NLRP9: variants seen among roughly 807,000 people sequenced by gnomAD.
NLRP9 encodes the protein NLR family pyrin domain containing 9.
Under a neutral mutation model 83.1 loss-of-function variants are expected in NLRP9, and 88 were observed. The observed-to-expected ratio is 1.06, with a 90% confidence interval of 0.89 to 1.26. The LOEUF (loss-of-function observed/expected upper bound fraction) is 1.26. Among genes scored for constraint, NLRP9 ranks in the 50% most tolerant of loss-of-function variants. NLRP9 has a pLI of 0.00. For synonymous variants in NLRP9, 521 were observed against 447.6 expected (o/e 1.16, Z -2.07); for missense variants, 1,308 against 1,179.3 (o/e 1.11, Z -1.60).
chr19:55,723,409 G>T (rs1988291882), intron 4 of NLRP9, among the ~76,000 whole-genome samples: 1 of 152,160 alleles, frequency 6.6e-6, no homozygotes, highest in Admixed American at 6.5e-5. Flanking sequence ...GCAGAACCAG[G>T]AAGTATCAAG....
chr19:55,738,273 C>CA lies in NLRP9; in HGVS notation c.101dup (p.Leu34PhefsTer5), dbSNP rs1988839132. The CA allele has an allele frequency of 6.2e-7, 1 of 1,613,962 alleles. No homozygotes were observed. The highest frequency in any genetic ancestry group is 1.3e-5 in the African/African-American group (1 of 74,874). On this transcript the variant is annotated frameshift_variant, in exon 1 of 9. Transcript: ENST00000332836. LOFTEE classifies it high-confidence loss of function. ...GGATTGGCTTGAGTTCAAATTTCTC[C>CA]AAAGGTTGTTTGAGGAGCTCCTTAA...
intron 3 of NLRP9, among the ~76,000 whole-genome samples, chr19:55,728,049 T>C (rs1041530170): frequency 4.5e-4 from 68 of 152,278 alleles, no homozygotes; most frequent in Admixed American, 9.8e-4. Flanking sequence ...AGCAACAAAA[T>C]GTGAGAACAC....
At chr19:55,734,425 T>G (rs1988718786) in intron 1 of NLRP9, among the ~76,000 whole-genome samples, 1 of 148,992 alleles carries the variant, frequency 6.7e-6, no homozygotes, top group Non-Finnish European at 1.5e-5. Flanking sequence ...AAAATTGGTC[T>G]TGTCTATATA....
intron 1 of NLRP9, among the ~76,000 whole-genome samples, chr19:55,734,203 G>A (rs947276283): frequency 1.3e-5 from 2 of 151,258 alleles, no homozygotes; most frequent in African/African-American, 2.4e-5. Context: ...GATTACAGGC[G>A]TGAGCCACCG....
rs777261936 is a variant in NLRP9 at position 55,723,963 on chromosome 19, G to C, written c.2159+17C>G. The C allele has an allele frequency of 1.3e-5, 21 of 1,597,730 alleles. No individual in the cohort carries two copies. The highest frequency in any genetic ancestry group is 2.2e-5 in the East Asian group (1 of 44,644). The stretch of plus-strand genomic sequence containing the variant: ...CTTGGAAAGAAACAGCACTCGGCAT[G>C]AACAGCCCGGACTTACATCAGCTCT... On this transcript the variant is annotated intron_variant, in intron 4 of 8. Transcript: ENST00000332836.
intron 4 of NLRP9, among the ~76,000 whole-genome samples, chr19:55,718,146 C>G (rs1396367560): frequency 6.6e-6 from 1 of 152,190 alleles, no homozygotes; most frequent in Non-Finnish European, 1.5e-5. Context: ...AAAGTCATGG[C>G]CATCCTCCAG....
At position 55,711,806 on chromosome 19, in the gene NLRP9, A is replaced by C. The variant is rs1360206233; in HGVS notation, c.2837T>G (p.Met946Arg). 2 of 1,612,988 alleles carry C rather than the reference A, an allele frequency of 1.2e-6. No individual in the cohort carries two copies. Among genetic ancestry groups the C allele is most frequent in the African/African-American group, 2.7e-5 (2 of 74,916 alleles). ...ALSHPDCALQ[M>R]LGLHKSGFDE... The stretch of plus-strand genomic sequence containing the variant: ...GGAAACAGTGTCCACTCACCCCAGC[A>C]TCTGCAGGGCACAGTCCGGGTGGCT... Residue 946 changes from methionine (M) to arginine (R), a missense_variant, in exon 8 of 9, where the codon ATG becomes AGG. Transcript: ENST00000332836.
rs776846483 is a variant in NLRP9, at chr19:55,709,076, GTT to G, written c.2844-34_2844-33del. ...AAATAGAAATAAAGTTTTTTTTTTT[GTT>G]TTTCATTTTTACACAGTATTGCCTC... On this transcript the variant is annotated intron_variant, in intron 8 of 8. Transcript: ENST00000332836. 4.8e-6 allele frequency: 7 copies of G among 1,465,492 alleles called. No individual in the cohort carries two copies. In the South Asian group the frequency reaches 9.3e-5, roughly 20 times the overall value. The allele number at this position is 1,465,492 out of a possible 1,614,324, so 90.8% of individuals were successfully genotyped here.
chr19:55,715,079 G>C lies in NLRP9; in HGVS notation c.2477C>G (p.Pro826Arg), dbSNP rs1254627784. 1 of 1,612,172 alleles carries C rather than the reference G, an allele frequency of 6.2e-7. No individual in the cohort carries two copies. Among genetic ancestry groups the C allele is most frequent in the Admixed American group, 1.7e-5 (1 of 59,886 alleles). ...CCACAGCTCCCGTATGCTGCAGCCT[G>C]GGTGCTTCAGCGCTGCACACAGAGA... ...VASLCAALKHPGCSIRELWLM... is the reference protein window; with the variant it reads ...VASLCAALKHRGCSIRELWLM... The change falls in exon 6 of 9, where the codon CCA becomes CGA. Residue 826 changes from proline (P) to arginine (R), a missense_variant. By Grantham distance (103) the Pro-to-Arg change is moderately radical (BLOSUM62 -2). Transcript: ENST00000332836.
chr19:55,712,210 C>G (rs1191574097), intron 7 of NLRP9, among the ~76,000 whole-genome samples: 1 of 152,122 alleles, frequency 6.6e-6, no homozygotes, highest in Admixed American at 6.6e-5. Context: ...CCCTATCATG[C>G]ACAGGATGGC....
chr19:55,724,009 T>C lies in NLRP9; in HGVS notation c.2130A>G (p.Lys710=). The C allele has an allele frequency of 6.2e-7, 1 of 1,614,014 alleles. No individual in the cohort carries two copies. Among genetic ancestry groups the C allele is most frequent in the Non-Finnish European group, 8.5e-7 (1 of 1,179,968 alleles). The change falls in exon 4 of 9, where the codon AAA becomes AAG. Residue 710 remains lysine (K), a synonymous_variant. Coordinates refer to ENST00000332836, the MANE Select transcript of NLRP9 (RefSeq NM_176820.4). ...SDIRHLCETL[K]HPMCKIEELI... ...GCTCTTCTATCTTGCACATTGGATG[T>C]TTCAGCGTCTCACACAGGTGTCTGA...
At chr19:55,736,982 G>A (rs879726351) in intron 1 of NLRP9, among the ~76,000 whole-genome samples, 5 of 152,000 alleles carry the variant, frequency 3.3e-5, no homozygotes, top group African/African-American at 4.8e-5. Context: ...GAACAAAACA[G>A]AAGTAAACGT....
chr19:55,733,093 A>G lies in NLRP9; in HGVS notation c.738T>C (p.Asp246=). ...TTGGCATTGGCTGCCGCTGCCTCCA[A>G]TCATCGCTCAAGTCAGCCTTAAGTT... ...NLQLKADLSD[D]WRQRQPMPII... is the part of the protein sequence containing the mutation. Residue 246 remains aspartate (D), a synonymous_variant, in exon 2 of 9, where the codon GAT becomes GAC. Transcript: ENST00000332836. 4 of 1,614,024 alleles carry G rather than the reference A, an allele frequency of 2.5e-6. No homozygotes were observed. The highest frequency in any genetic ancestry group is 1.6e-4 in the Middle Eastern group (1 of 6,062).
Position 55,727,797 on chromosome 19 carries a change from G to A in NLRP9, c.1994+2034C>T, listed in dbSNP as rs896574581. On this transcript the variant is annotated intron_variant, in intron 3 of 8. Coordinates refer to ENST00000332836, the MANE Select transcript of NLRP9 (RefSeq NM_176820.4). ...GGTAAACGCATCCCCATCCATCATG[G>A]AGGTTTAGTCAACAGAGAAACACTG... 2.0e-5 allele frequency among the ~76,000 whole-genome samples: 3 copies of A among 152,276 alleles called. No homozygotes were observed. The East Asian group carries it at 5.8e-4, about 29-fold the overall frequency.
intron 4 of NLRP9, among the ~76,000 whole-genome samples, chr19:55,723,412 G>A (rs113479608): frequency 1.3e-3 from 193 of 152,302 alleles, no homozygotes; most frequent in African/African-American, 4.5e-3. Context: ...GAACCAGGAA[G>A]TATCAAGGGA....
intron 4 of NLRP9, among the ~76,000 whole-genome samples, chr19:55,722,478 G>A (rs985250169): frequency 6.6e-6 from 1 of 152,198 alleles, no homozygotes; most frequent in African/African-American, 2.4e-5. Flanking sequence ...TCTCCTGATG[G>A]GTCTAGACGC....
chr19:55,726,899 T>G (rs1988419066), intron 3 of NLRP9, among the ~76,000 whole-genome samples: 1 of 152,158 alleles, frequency 6.6e-6, no homozygotes, highest in African/African-American at 2.4e-5. Flanking sequence ...CTAGATACCT[T>G]TGAAGAGAAA....
intron 2 of NLRP9, among the ~76,000 whole-genome samples, chr19:55,731,605 T>C (rs1054785786): frequency 1.3e-5 from 2 of 151,004 alleles, no homozygotes; most frequent in Non-Finnish European, 2.9e-5. Context: ...GCACCTGTAA[T>C]CCCAGCTACC....
chr19:55,733,102 C>A lies in NLRP9; in HGVS notation c.729G>T (p.Leu243Phe), dbSNP rs747329683. Residue 243 changes from leucine (L) to phenylalanine (F), a missense_variant, in exon 2 of 9, where the codon TTG (leucine) becomes TTT (phenylalanine). Coordinates refer to ENST00000332836, the MANE Select transcript of NLRP9 (RefSeq NM_176820.4). ...LKFNLQLKAD[L>F]SDDWRQRQPM... Reference sequence around the variant, plus strand: ...GCTGCCGCTGCCTCCAATCATCGCTCAAGTCAGCCTTAAGTTGTAAGTTAA... The same window carrying A: ...GCTGCCGCTGCCTCCAATCATCGCTAAAGTCAGCCTTAAGTTGTAAGTTAA... 3.7e-6 allele frequency: 6 copies of A among 1,614,074 alleles called. No homozygotes were observed. Among genetic ancestry groups the A allele is most frequent in the Non-Finnish European group, 5.1e-6 (6 of 1,179,978 alleles).
Sources: allele counts gnomAD v4.1 joint callset (sites outside exome capture counted in the v4.1 genomes callset), GRCh38; gene constraint gnomAD v4.1.1; transcripts MANE v1.5; gene names NCBI Gene and HGNC (gene_info 2026-07-23, HGNC 2026-07-21).